Variants in CLEC4E observed in about 807,000 individuals in gnomAD.
CLEC4E encodes C-type (calcium dependent, carbohydrate-recognition domain) lectin, superfamily member 9.
CLEC4E carries 21 observed loss-of-function variants against 24.7 expected under a neutral mutation model. The ratio of observed to expected loss-of-function variants is 0.85; its 90% CI spans 0.60 to 1.22. The LOEUF is 1.22. CLEC4E is among the 50% of genes most tolerant of loss of function. The pLI is 0.00. For synonymous variants in CLEC4E, 94 were observed against 85.7 expected (o/e 1.10, Z -0.54); for missense variants, 249 against 254.1 (o/e 0.98, Z 0.14).
intron 3 of CLEC4E, 176 bp downstream of exon 3, chr12:8,539,041 T>G (rs1591725957): frequency 2.0e-6 from 1 of 510,294 alleles, no homozygotes; most frequent in African/African-American, 2.0e-5. Flanking sequence ...TTTACTATAA[T>G]GTCCCCAAGA....
At position 8,539,259 on chromosome 12, in the gene CLEC4E, G is replaced by T. The variant is rs2136400929; in HGVS notation, c.178C>A (p.Pro60Thr). 6.2e-7 allele frequency: 1 copy of T among 1,613,422 alleles called. No homozygotes were observed. The highest frequency in any genetic ancestry group is 8.5e-7 in the Non-Finnish European group (1 of 1,179,564). The change falls in exon 3 of 6, where the codon CCT becomes ACT. Residue 60 changes from proline (P) to threonine (T), a missense_variant. Coordinates refer to ENST00000299663, the MANE Select transcript of CLEC4E (RefSeq NM_014358.4). ...CAGGAGAGCTCTGTGAAATTCTCAGGTAGCTGAAACTTTTTCTCATCACAG... is the reference window on the plus strand; with the variant it reads ...CAGGAGAGCTCTGTGAAATTCTCAGTTAGCTGAAACTTTTTCTCATCACAG... ...QTCDEKKFQLPENFTELSCYN... is the reference protein window; with the variant it reads ...QTCDEKKFQLTENFTELSCYN...
chr12:8,540,799 TTTTCTCTCTCTTTGGTTTTTTG>T lies in CLEC4E; in HGVS notation c.-24_-3del. On this transcript the variant is annotated 5_prime_UTR_variant, in exon 1 of 6. Transcript: ENST00000299663. ...TTCAGATGATTTAGATGAATTCATT[TTTTCTCTCTCTTTGGTTTTTTG>T]TTTCTCTCTCTCTCTTTTTCTCTCC... The T allele has an allele frequency of 6.2e-7, 1 of 1,605,250 alleles. No homozygotes were observed. Among genetic ancestry groups the T allele is most frequent in the Non-Finnish European group, 8.5e-7 (1 of 1,173,194 alleles).
intron 4 of CLEC4E, 135 bp downstream of exon 4, chr12:8,536,980 G>T: frequency 1.3e-6 from 1 of 746,600 alleles, no homozygotes; most frequent in African/African-American, 1.8e-5. Flanking sequence ...TGACTTTACC[G>T]AAATAGTAAG....
intron 2 of CLEC4E, among the ~76,000 whole-genome samples, chr12:8,539,531 C>T (rs1325983485): frequency 6.6e-6 from 1 of 152,028 alleles, no homozygotes; most frequent in Non-Finnish European, 1.5e-5. Context: ...TCTCTGGTGC[C>T]GACCAGTAGT....
At chr12:8,538,326 C>T (rs1014963811) in intron 3 of CLEC4E, among the ~76,000 whole-genome samples, 2 of 152,208 alleles carry the variant, frequency 1.3e-5, no homozygotes, top group Non-Finnish European at 2.9e-5. Flanking sequence ...AGTAAATTAG[C>T]GAAAGTACTA....
At chr12:8,540,687 C>T (rs750318149) in intron 1 of CLEC4E, 74 bp downstream of exon 1, 38 of 1,304,184 alleles carry the variant, frequency 2.9e-5, no homozygotes, top group Non-Finnish European at 3.6e-5. Context: ...TTTCTATTGT[C>T]CTGTCTTTCA....
intron 3 of CLEC4E, among the ~76,000 whole-genome samples, chr12:8,538,291 C>G (rs1183665942): frequency 6.6e-6 from 1 of 152,244 alleles, no homozygotes; most frequent in Non-Finnish European, 1.5e-5. Flanking sequence ...TCCTGTACAC[C>G]TGGCTCTGCC....
intron 2 of CLEC4E, 70 bp from the exon 3 acceptor site, chr12:8,539,376 A>G (rs745718583): frequency 3.0e-5 from 29 of 962,500 alleles, no homozygotes; most frequent in Non-Finnish European, 4.5e-5. Flanking sequence ...TCAGTTTTGT[A>G]TTTATAACAA....
At position 8,538,014 on chromosome 12, in the gene CLEC4E, G is replaced by A. The variant is rs962398549; in HGVS notation, c.221-748C>T. Among the ~76,000 whole-genome samples the A allele has an allele frequency of 2.0e-5, 3 of 152,250 alleles. No homozygotes were observed. In the East Asian group the frequency reaches 5.8e-4, roughly 29 times the overall value. On this transcript the variant is annotated intron_variant, in intron 3 of 5. Coordinates refer to ENST00000299663, the MANE Select transcript of CLEC4E (RefSeq NM_014358.4). ...GAGGGCTCCTTGGTCTAGCGGTGAC[G>A]CCAGCGTCTGGGAAGACGCCCGTGG...
chr12:8,536,195 G>A lies in CLEC4E; in HGVS notation c.383C>T (p.Ser128Phe), dbSNP rs1251884181. 6.3e-7 allele frequency: 1 copy of A among 1,582,992 alleles called. No homozygotes were observed. Among genetic ancestry groups the A allele is most frequent in the South Asian group, 1.1e-5 (1 of 90,364 alleles). Residue 128 changes from serine (S) to phenylalanine (F), a missense_variant, in exon 5 of 6, where the codon TCC (serine) becomes TTC (phenylalanine). By Grantham distance (155) the Ser-to-Phe change is radical. Transcript: ENST00000299663. ...CTCTCTCATTTTAGGTTTCTTGTAG[G>A]AAAGGAATTCCTATGGAAGATACAA... ...INSQEEQEFL[S>F]YKKPKMREFF...
chr12:8,539,758 C>T, intron 2 of CLEC4E, 97 bp downstream of exon 2: 1 of 762,344 alleles, frequency 1.3e-6, no homozygotes, highest in Non-Finnish European at 2.3e-6. Context: ...AATAGAAAGA[C>T]CCTTTGAGGG....
chr12:8,539,149 A>G (rs2136400795), intron 3 of CLEC4E, 68 bp downstream of exon 3: 1 of 1,124,632 alleles, frequency 8.9e-7, no homozygotes, highest in Non-Finnish European at 1.3e-6. Flanking sequence ...CACCTGTCCC[A>G]AAGTCAATCT....
chr12:8,540,354 C>CCTCTTTGCTTTTCTT (rs1565496933), intron 1 of CLEC4E, among the ~76,000 whole-genome samples: 1 of 151,360 alleles, frequency 6.6e-6, no homozygotes, highest in Non-Finnish European at 1.5e-5. Context: ...TCCCTTTTCT[C>CCTCTTTGCTTTTCTT]GTCTTTGCTT....
At chr12:8,539,193 T>G (rs1302809307) in intron 3 of CLEC4E, 24 bp downstream of exon 3, 10 of 1,475,658 alleles carry the variant, frequency 6.8e-6, no homozygotes, top group African/African-American at 1.4e-5. Context: ...TAAATTTTGA[T>G]GTTCACCTTT....
intron 2 of CLEC4E, 128 bp from the exon 3 acceptor site, chr12:8,539,434 C>T (rs761136960): frequency 6.5e-5 from 43 of 665,574 alleles, no homozygotes; most frequent in South Asian, 4.3e-4. Flanking sequence ...CTTTTTCTTA[C>T]GACCCAGAGA....
At position 8,539,230 on chromosome 12, in the gene CLEC4E, G is replaced by A. The variant is rs1565496570; in HGVS notation, c.207C>T (p.Tyr69=). The A allele has an allele frequency of 3.1e-6, 5 of 1,609,434 alleles. No individual in the cohort carries two copies. Among genetic ancestry groups the A allele is most frequent in the Admixed American group, 1.7e-5 (1 of 59,918 alleles). ...GGACTATTATACCTGATCCATAATTGTAGCAGGAGAGCTCTGTGAAATTCT... is the reference window on the plus strand; with the variant it reads ...GGACTATTATACCTGATCCATAATTATAGCAGGAGAGCTCTGTGAAATTCT... ...LPENFTELSC[Y]NYGSGSVKNC... The change falls in exon 3 of 6, where the codon TAC becomes TAT. Residue 69 remains tyrosine (Y), a synonymous_variant. Coordinates refer to ENST00000299663, the MANE Select transcript of CLEC4E (RefSeq NM_014358.4).
chr12:8,539,773 G>T lies in CLEC4E; in HGVS notation c.130+82C>A, dbSNP rs1370701121. 4 of 854,418 alleles carry T rather than the reference G, an allele frequency of 4.7e-6. No individual in the cohort carries two copies. In the African/African-American group the frequency reaches 5.1e-5, roughly 11 times the overall value. The allele number at this position is 854,418 out of a possible 1,614,324, so 52.9% of individuals were successfully genotyped here. On this transcript the variant is annotated intron_variant, in intron 2 of 5. Coordinates refer to ENST00000299663, the MANE Select transcript of CLEC4E (RefSeq NM_014358.4). ...AATAGAAAGACCCTTTGAGGGCAAA[G>T]AGAGTCTACAGGCAGCATGGAAGAG...
At chr12:8,536,301 A>C (rs1940613452) in intron 4 of CLEC4E, 96 bp from the exon 5 acceptor site, 2 of 680,312 alleles carry the variant, frequency 2.9e-6, no homozygotes, top group African/African-American at 1.8e-5. Flanking sequence ...TCTGGATGAG[A>C]TCCTAGCACT....
chr12:8,540,601 A>G (rs770258804), intron 1 of CLEC4E, among the ~76,000 whole-genome samples, 160 bp downstream of exon 1: 1 of 152,130 alleles, frequency 6.6e-6, no homozygotes, highest in South Asian at 2.1e-4. Context: ...GCTTTCTGGT[A>G]TAAGAAATAG....
Sources: gnomAD v4.1 joint callset for allele counts (sites outside exome capture counted in the v4.1 genomes callset) on GRCh38, gnomAD v4.1.1 for gene constraint, MANE v1.5 for transcripts, NCBI Gene and HGNC (gene_info 2026-07-23, HGNC 2026-07-21) for gene names.